The following FNIP1 variants were observed in gnomAD, a reference collection of about 807,000 sequenced individuals.
FNIP1 encodes folliculin-interacting protein 1.
In FNIP1, 40 loss-of-function variants were observed where a neutral mutation model predicts 124.5. The ratio of observed to expected loss-of-function variants is 0.32; its 90% CI spans 0.25 to 0.42. The LOEUF is 0.42. FNIP1 is among the 10% of genes least tolerant of loss of function. FNIP1 has a pLI of 1.00. For synonymous variants in FNIP1, 472 were observed against 470.6 expected, an observed-to-expected ratio of 1.00 and a Z score of -0.04; for missense variants, 1,176 against 1,403.7, an observed-to-expected ratio of 0.84 and a Z score of 2.59.
Position 131,672,864 on chromosome 5 carries a change from T to C in FNIP1, c.1580A>G (p.Lys527Arg), listed in dbSNP as rs1399585239. Reference sequence around the variant, plus strand: ...TAGCCTCTGGACCATGTCTTGTCGTTTGCCAACTACCACAGTCCTTGCTAA... The same window carrying C: ...TAGCCTCTGGACCATGTCTTGTCGTCTGCCAACTACCACAGTCCTTGCTAA... ...VRLARTVVVG[K>R]RQDMVQRLLY... Residue 527 changes from lysine (K) to arginine (R), a missense_variant, in exon 14 of 18, where the codon AAA becomes AGA. Physicochemically the swap from Lys to Arg is conservative, Grantham distance 26. This residue lies in a region of FNIP1 where 1,109 missense variants were observed against 1,288.5 expected (regional missense o/e 0.86). Coordinates refer to ENST00000510461, the MANE Select transcript of FNIP1 (RefSeq NM_133372.3). The C allele has an allele frequency of 1.3e-5, 21 of 1,605,042 alleles. No individual in the cohort carries two copies. Among genetic ancestry groups the C allele is most frequent in the Non-Finnish European group, 1.7e-5 (20 of 1,176,160 alleles).
At chr5:131,714,728 C>T (rs771359572) in intron 6 of FNIP1, among the ~76,000 whole-genome samples, 4 of 152,238 alleles carry the variant, frequency 2.6e-5, no homozygotes, top group Admixed American at 6.5e-5. Flanking sequence ...CTCATGTCCT[C>T]AAGGAAGCCT....
At chr5:131,756,807 G>C (rs1393067543) in intron 1 of FNIP1, among the ~76,000 whole-genome samples, 2 of 152,126 alleles carry the variant, frequency 1.3e-5, no homozygotes, top group Admixed American at 1.3e-4. Context: ...AGATATAAAA[G>C]TCCAGCATAA....
chr5:131,713,978 C>T (rs557618772), intron 6 of FNIP1, among the ~76,000 whole-genome samples: 2 of 152,186 alleles, frequency 1.3e-5, no homozygotes, highest in East Asian at 3.8e-4. Flanking sequence ...ATCTGTGTTG[C>T]TATATTCCAA....
intron 1 of FNIP1, among the ~76,000 whole-genome samples, chr5:131,750,920 T>C (rs1438557026): frequency 6.6e-6 from 1 of 152,182 alleles, no homozygotes; most frequent in African/African-American, 2.4e-5. Context: ...AAAAGGTGCC[T>C]AATATGGACA....
rs1194487786 is a variant in FNIP1 at position 131,703,923 on chromosome 5, C to A, written c.1116+142G>T. On this transcript the variant is annotated intron_variant, in intron 10 of 17. Transcript: ENST00000510461. ...GACAGTAAGCACCTTAAAAAGGGTT[C>A]AATCTATTTGCATCCACCAGAGCAC... The A allele has an allele frequency of 1.9e-5, 12 of 619,534 alleles. No individual in the cohort carries two copies. In the South Asian group the frequency reaches 2.6e-4, roughly 13 times the overall value. 38.4% of individuals were successfully genotyped at this position (619,534 alleles called of 1,614,324 possible). A position where few individuals can be genotyped will look rare whatever the true frequency, so the allele number is the denominator to read the frequency against.
chr5:131,645,978 C>T (rs906567553), intron 17 of FNIP1, among the ~76,000 whole-genome samples: 1 of 152,140 alleles, frequency 6.6e-6, no homozygotes, highest in African/African-American at 2.4e-5. Flanking sequence ...GGGAAGAAGA[C>T]AATGACTTAC....
chr5:131,667,944 G>T (rs1767650504), intron 15 of FNIP1, among the ~76,000 whole-genome samples: 1 of 152,120 alleles, frequency 6.6e-6, no homozygotes, highest in Admixed American at 6.5e-5. Context: ...TGTTATTAAA[G>T]CAAAGTATTA....
chr5:131,759,867 G>A (rs1771167646), intron 1 of FNIP1, among the ~76,000 whole-genome samples: 1 of 152,142 alleles, frequency 6.6e-6, no homozygotes, highest in Non-Finnish European at 1.5e-5. Context: ...ACTGAATAAA[G>A]AAAATGTGGT....
At chr5:131,701,052 G>A (rs552805275) in intron 10 of FNIP1, among the ~76,000 whole-genome samples, 13 of 152,288 alleles carry the variant, frequency 8.5e-5, no homozygotes, top group African/African-American at 2.2e-4. Flanking sequence ...GAATTGGGTC[G>A]AGCAAGCAAG....
At chr5:131,748,709 G>GAAAAAAAAAAAAAAAAAA (rs1189333248) in intron 1 of FNIP1, among the ~76,000 whole-genome samples, 1 of 97,860 alleles carries the variant, frequency 1.0e-5, no homozygotes, top group South Asian at 3.8e-4. Flanking sequence ...AAAAAAAAAA[G>GAAAAAAAAAAAAAAAAAA]AAAAAAAAAA....
chr5:131,652,512 G>A (rs1767070187), intron 15 of FNIP1, among the ~76,000 whole-genome samples: 1 of 152,074 alleles, frequency 6.6e-6, no homozygotes, highest in South Asian at 2.1e-4. Context: ...ACGCCACCAC[G>A]CCTGACTAAT....
At chr5:131,657,736 C>CAAAAAAAAAGAA (rs1767242363) in intron 15 of FNIP1, among the ~76,000 whole-genome samples, 1 of 65,056 alleles carries the variant, frequency 1.5e-5, no homozygotes, top group Non-Finnish European at 2.6e-5. Context: ...GAAAATAAGG[C>CAAAAAAAAAGAA]AAAAAAAAAA....
At chr5:131,788,352 A>C (rs750288840) in intron 1 of FNIP1, among the ~76,000 whole-genome samples, 5 of 152,080 alleles carry the variant, frequency 3.3e-5, no homozygotes, top group Non-Finnish European at 5.9e-5. Flanking sequence ...ATAGGATTTA[A>C]GATAATTATT....
At chr5:131,790,443 C>G (rs543961752) in intron 1 of FNIP1, among the ~76,000 whole-genome samples, 1 of 146,312 alleles carries the variant, frequency 6.8e-6, no homozygotes, top group East Asian at 2.0e-4. Context: ...CGCACCACCG[C>G]TCTCCCGCCT....
intron 10 of FNIP1, 102 bp downstream of exon 10, chr5:131,703,963 G>T: frequency 2.0e-6 from 2 of 997,400 alleles, no homozygotes; most frequent in Non-Finnish European, 2.9e-6. Context: ...TAGGACACAT[G>T]CACAACGTCT....
chr5:131,795,380 T>C (rs1772548983), intron 1 of FNIP1, among the ~76,000 whole-genome samples: 1 of 152,198 alleles, frequency 6.6e-6, no homozygotes, highest in African/African-American at 2.4e-5. Context: ...CGTGAAAATG[T>C]TTTTTCATAT....
chr5:131,670,729 A>G, intron 14 of FNIP1, 98 bp from the exon 15 acceptor site: 1 of 842,026 alleles, frequency 1.2e-6, no homozygotes, highest in South Asian at 2.5e-5. Context: ...CATATTTTAC[A>G]CTAGTCTGTA....
At chr5:131,707,435 G>A (rs1290568625) in intron 8 of FNIP1, among the ~76,000 whole-genome samples, 1 of 152,288 alleles carries the variant, frequency 6.6e-6, no homozygotes, top group East Asian at 1.9e-4. Flanking sequence ...CAGGCCAGAT[G>A]ATAAATTATT....
intron 15 of FNIP1, among the ~76,000 whole-genome samples, chr5:131,657,758 A>AAACAAAAAC (rs1767248419): frequency 6.7e-6 from 1 of 148,418 alleles, no homozygotes; most frequent in Non-Finnish European, 1.5e-5. Context: ...AAAAAAAAAA[A>AAACAAAAAC]CGGTGGGTGA....
Sources: gnomAD v4.1 joint callset for allele counts (sites outside exome capture counted in the v4.1 genomes callset) on GRCh38, gnomAD v4.1.1 for gene constraint, gnomAD v4.1.1 regional missense constraint, MANE v1.5 for transcripts, NCBI Gene and HGNC (gene_info 2026-07-23, HGNC 2026-07-21) for gene names.